Variants in TULP3 observed in about 807,000 individuals in gnomAD.
TULP3 encodes the protein TUB like protein 3.
In TULP3, 38 loss-of-function variants were observed where a neutral mutation model predicts 50.7. The ratio of observed to expected loss-of-function variants is 0.75; its 90% CI spans 0.58 to 0.98. The LOEUF (loss-of-function observed/expected upper bound fraction) is 0.98, where lower values mean the gene tolerates loss of function less well. Among genes scored for constraint, TULP3 ranks in the 50% least tolerant of loss-of-function variants. The pLI, the probability that TULP3 is intolerant of heterozygous loss-of-function variation, is 0.00. For synonymous variants in TULP3, 183 were observed against 196.6 expected, an observed-to-expected ratio of 0.93 and a Z score of 0.58; for missense variants, 550 against 568.0, an observed-to-expected ratio of 0.97 and a Z score of 0.32.
At chr12:2,937,029 G>T (rs549509739) in intron 8 of TULP3, among the ~76,000 whole-genome samples, 1 of 150,784 alleles carries the variant, frequency 6.6e-6, no homozygotes. Context: ...AACCCAGGAG[G>T]TGGAGATTGG....
chr12:2,894,329 A>G (rs137962055), intron 1 of TULP3, among the ~76,000 whole-genome samples: 1 of 150,844 alleles, frequency 6.6e-6, no homozygotes, highest in African/African-American at 2.5e-5. Flanking sequence ...TGAGGTCACG[A>G]GTTCAAGACC....
At chr12:2,905,480 G>A (rs181544379) in intron 1 of TULP3, among the ~76,000 whole-genome samples, 13 of 152,102 alleles carry the variant, frequency 8.5e-5, no homozygotes, top group Admixed American at 5.9e-4. Flanking sequence ...CACCGCACCC[G>A]GCCTTATAAA....
intron 1 of TULP3, among the ~76,000 whole-genome samples, chr12:2,894,673 A>G (rs1049591890): frequency 3.3e-5 from 5 of 152,020 alleles, no homozygotes; most frequent in African/African-American, 1.2e-4. Flanking sequence ...AGGTGGGCAG[A>G]TCACGAGGTC....
intron 1 of TULP3, among the ~76,000 whole-genome samples, chr12:2,899,892 CA>C (rs1342460423): frequency 7.5e-5 from 4 of 53,610 alleles, no homozygotes; most frequent in South Asian, 6.1e-4. Context: ...GACTCCGTCT[CA>C]AAAAAAAAAC....
intron 4 of TULP3, among the ~76,000 whole-genome samples, chr12:2,928,402 T>TG (rs2098195863): frequency 6.6e-6 from 1 of 151,932 alleles, no homozygotes; most frequent in Admixed American, 6.6e-5. Flanking sequence ...TGGTGGCACA[T>TG]GCCTGTAATC....
chr12:2,922,164 T>G, intron 3 of TULP3, 98 bp from the exon 4 acceptor site: 1 of 1,383,926 alleles, frequency 7.2e-7, no homozygotes, highest in Non-Finnish European at 9.8e-7. Flanking sequence ...GATAAAATGA[T>G]TTGGTAGTTC....
Position 2,920,928 on chromosome 12 carries a change from T to TA in TULP3, c.253+7dup. 6.2e-7 allele frequency: 1 copy of TA among 1,613,756 alleles called. No homozygotes were observed. The highest frequency in any genetic ancestry group is 8.5e-7 in the Non-Finnish European group (1 of 1,179,750). On this transcript the variant is annotated splice_region_variant and intron_variant, in intron 3 of 10. Transcript: ENST00000448120. ...CAGCAATGTCATCTTACATGGTGTG[T>TA]ATTTAGGCAGCATCACTTCCTAGTG...
chr12:2,894,563 A>G (rs376341924), intron 1 of TULP3, among the ~76,000 whole-genome samples: 56 of 138,802 alleles, frequency 4.0e-4, no homozygotes, highest in South Asian at 1.1e-3. Context: ...ACACACACAC[A>G]CACGCACGCA....
Position 2,939,831 on chromosome 12 carries a change from C to T in TULP3, c.*387C>T, listed in dbSNP as rs2098203673. The T allele has an allele frequency of 2.5e-6, 3 of 1,193,394 alleles. No individual in the cohort carries two copies. Among genetic ancestry groups the T allele is most frequent in the South Asian group, 3.1e-5 (2 of 64,298 alleles). The allele number at this position is 1,193,394 out of a possible 1,614,324, so 73.9% of individuals were successfully genotyped here. ...CACACACACACCCCGCGCACTCTCA[C>T]TCCTTTTCCAGGTTTCATAGACTTG... On this transcript the variant is annotated 3_prime_UTR_variant, in exon 11 of 11. Transcript: ENST00000448120. This position sits in a 1 kb window ranked among gnomAD's most constrained non-coding sequence, Gnocchi z 4.0.
chr12:2,908,954 A>T (rs1033721601), intron 1 of TULP3, among the ~76,000 whole-genome samples: 1 of 152,200 alleles, frequency 6.6e-6, no homozygotes, highest in Non-Finnish European at 1.5e-5. Flanking sequence ...GGAATTCAGT[A>T]GGCTCTAGTA....
intron 2 of TULP3, among the ~76,000 whole-genome samples, chr12:2,917,749 C>T (rs1485366472): frequency 6.6e-6 from 1 of 151,468 alleles, no homozygotes; most frequent in Non-Finnish European, 1.5e-5. Context: ...CGGTGCCGGA[C>T]GCCTGTAGTC....
Position 2,933,518 on chromosome 12 carries a change from T to A in TULP3, c.797T>A (p.Val266Asp), listed in dbSNP as rs769899222. The change falls in exon 7 of 11, where the codon GTC (valine) becomes GAC (aspartate). Residue 266 changes from valine (V) to aspartate (D), a missense_variant. By Grantham distance (152) the Val-to-Asp change is radical. Coordinates refer to ENST00000448120, the MANE Select transcript of TULP3 (RefSeq NM_003324.5). ...VDLSREGESY[V>D]GKLRSNLMGT... ...TTATCTCGTGAAGGAGAAAGTTATG[T>A]CGGCAAGCTTAGGTGAAAGCAACCT... 1 of 1,612,544 alleles carries A rather than the reference T, an allele frequency of 6.2e-7. No homozygotes were observed.
intron 2 of TULP3, among the ~76,000 whole-genome samples, chr12:2,911,834 C>T (rs2041311): frequency 0.48 from 72,454 of 150,988 alleles, 17,811 homozygotes; most frequent in African/African-American, 0.6. Context: ...TGTTAAATAA[C>T]GTACGAGAAG....
intron 1 of TULP3, among the ~76,000 whole-genome samples, chr12:2,895,793 A>C (rs2098175212): frequency 6.6e-6 from 1 of 152,158 alleles, no homozygotes. Context: ...TTGATGGGAT[A>C]TCCTACTACC....
chr12:2,906,120 TCC>T (rs2098182085), intron 1 of TULP3, among the ~76,000 whole-genome samples: 1 of 149,712 alleles, frequency 6.7e-6, no homozygotes, highest in Non-Finnish European at 1.5e-5. Context: ...AACCTCCGCC[TCC>T]CAGGTTCACA....
chr12:2,933,722 G>A (rs1427470904), intron 7 of TULP3, among the ~76,000 whole-genome samples, 192 bp downstream of exon 7: 2 of 152,044 alleles, frequency 1.3e-5, no homozygotes, highest in African/African-American at 2.4e-5. Context: ...AGGCCAAGGC[G>A]GGCGGATCAC....
chr12:2,908,724 A>G (rs1056184077), intron 1 of TULP3, among the ~76,000 whole-genome samples: 12 of 152,236 alleles, frequency 7.9e-5, no homozygotes, highest in South Asian at 2.1e-4. Context: ...GCCTGGCCCA[A>G]AAAGTTTTTA....
chr12:2,900,908 T>C (rs1010026153), intron 1 of TULP3, among the ~76,000 whole-genome samples: 1 of 148,326 alleles, frequency 6.7e-6, no homozygotes, highest in Non-Finnish European at 1.5e-5. Flanking sequence ...AGAGACGGTT[T>C]CACCATGTTG....
chr12:2,897,137 G>T (rs754439138), intron 1 of TULP3, among the ~76,000 whole-genome samples: 8 of 152,042 alleles, frequency 5.3e-5, no homozygotes, highest in African/African-American at 1.4e-4. Flanking sequence ...AGCCTCCTGA[G>T]TAGGTAGGAT....
Sources: gnomAD v4.1 joint callset for allele counts (sites outside exome capture counted in the v4.1 genomes callset) on GRCh38, gnomAD v4.1.1 for gene constraint, Gnocchi (gnomAD v3.1) non-coding constraint, MANE v1.5 for transcripts, NCBI Gene and HGNC (gene_info 2026-07-23, HGNC 2026-07-21) for gene names.